ILDR2: variants seen among roughly 807,000 people sequenced by gnomAD.
ILDR2 encodes immunoglobulin-like domain-containing receptor 2.
ILDR2 carries 25 observed loss-of-function variants against 66.8 expected under a neutral mutation model. The observed-to-expected ratio is 0.37, with a 90% confidence interval of 0.27 to 0.52. ILDR2 has a LOEUF of 0.52. ILDR2 is among the 20% of genes least tolerant of loss of function. ILDR2 has a pLI of 0.88. For missense variants in ILDR2, 827 were observed against 876.8 expected, an observed-to-expected ratio of 0.94 and a Z score of 0.72; for synonymous variants, 367 against 357.2, an observed-to-expected ratio of 1.03 and a Z score of -0.31.
In ILDR2 at chr1:166,909,781, T is replaced by TATATATAAATA. The variant is rs1557921377; in HGVS notation, c.*9573_*9574insTATTTATATAT. ...TATAAATATATATAAATATATATAT[T>TATATATAAATA]TATATATATATATATATATATATAT... On this transcript the variant is annotated 3_prime_UTR_variant, in exon 10 of 10. Transcript: ENST00000271417. 1 of 64,246 alleles carries TATATATAAATA rather than the reference T, an allele frequency of 1.6e-5. No individual in the cohort carries two copies. Among genetic ancestry groups the TATATATAAATA allele is most frequent in the African/African-American group, 6.9e-5 (1 of 14,428 alleles). 4.0% of individuals were successfully genotyped at this position (64,246 alleles called of 1,614,324 possible). A position where few individuals can be genotyped will look rare whatever the true frequency, so the allele number is the denominator to read the frequency against.
At chr1:166,958,560 G>C (rs1200407360) in intron 1 of ILDR2, among the ~76,000 whole-genome samples, 1 of 152,094 alleles carries the variant, frequency 6.6e-6, no homozygotes, top group Non-Finnish European at 1.5e-5. Flanking sequence ...TAAACCTGTG[G>C]AACTGTGAGT....
intron 2 of ILDR2, among the ~76,000 whole-genome samples, chr1:166,901,750 C>T (rs540767969): frequency 6.6e-6 from 1 of 152,342 alleles, no homozygotes; most frequent in South Asian, 2.1e-4. Flanking sequence ...CTAGTTCCCC[C>T]ACAAGGCTGC....
rs117039452 is a variant in ILDR2 at position 166,900,937 on chromosome 1, G to A, written n.172-4836C>T. On this transcript the variant is annotated intron_variant and non_coding_transcript_variant, in intron 2 of 2. Coordinates refer to the ILDR2 transcript ENST00000414590. Reference sequence around the variant, plus strand: ...TTGGATTTTCCCACCTTCTCCATTCGACTTTTGTAACAATTTACTCTGATG... The same window carrying A: ...TTGGATTTTCCCACCTTCTCCATTCAACTTTTGTAACAATTTACTCTGATG... 3.2e-3 allele frequency among the ~76,000 whole-genome samples: 489 copies of A among 152,226 alleles called. 21 individuals are homozygous for A. The East Asian group carries it at 0.081, about 25-fold the overall frequency.
At chr1:166,899,869 A>G (rs1297422695) in intron 2 of ILDR2, among the ~76,000 whole-genome samples, 1 of 152,224 alleles carries the variant, frequency 6.6e-6, no homozygotes, top group Non-Finnish European at 1.5e-5. Context: ...GATCTGTAAG[A>G]GTTCCAAAGA....
intron 4 of ILDR2, among the ~76,000 whole-genome samples, chr1:166,938,668 T>A (rs1661128058): frequency 6.6e-6 from 1 of 152,220 alleles, no homozygotes; most frequent in South Asian, 2.1e-4. Context: ...AAAATTTGGA[T>A]TAAGCTAAAA....
chr1:166,975,384 C>A lies in ILDR2; in HGVS notation c.-116G>T. ...CGGCGGAGCGGCGGGCACCGGGCGT[C>A]CCTGGGCGCAGCGCCCGCCGGGCCG... On this transcript the variant is annotated 5_prime_UTR_variant, in exon 1 of 10. Coordinates refer to ENST00000271417, the MANE Select transcript of ILDR2 (RefSeq NM_199351.3). 1 of 579,246 alleles carries A rather than the reference C, an allele frequency of 1.7e-6. No individual in the cohort carries two copies. The highest frequency in any genetic ancestry group is 2.3e-6 in the Non-Finnish European group (1 of 433,086). The allele number at this position is 579,246 out of a possible 1,614,324, so 35.9% of individuals were successfully genotyped here. A position where few individuals can be genotyped will look rare whatever the true frequency, so the allele number is the denominator to read the frequency against.
In ILDR2 at chr1:166,908,695, C is replaced by G. The variant is rs373545670; in HGVS notation, c.*10660G>C. The G allele has an allele frequency of 1.3e-5, 2 of 152,124 alleles. No individual in the cohort carries two copies. The highest frequency in any genetic ancestry group is 4.8e-5 in the African/African-American group (2 of 41,378). The allele number at this position is 152,124 out of a possible 1,614,324, so 9.4% of individuals were successfully genotyped here. A position where few individuals can be genotyped will look rare whatever the true frequency, so the allele number is the denominator to read the frequency against. ...GTACCAGAAGAATCCAGGGAGGAGA[C>G]GAAAGGTCCTAATGAAGGCAGTGAC... On this transcript the variant is annotated 3_prime_UTR_variant, in exon 10 of 10. Coordinates refer to ENST00000271417, the MANE Select transcript of ILDR2 (RefSeq NM_199351.3).
At chr1:166,904,123 A>C (rs182776070), downstream of ILDR2, among the ~76,000 whole-genome samples, 12 of 152,346 alleles carry the variant, frequency 7.9e-5, no homozygotes, top group South Asian at 2.1e-4. Flanking sequence ...CATTGTATAG[A>C]CATAATTAGT....
chr1:166,958,615 T>C (rs949722439), intron 1 of ILDR2, among the ~76,000 whole-genome samples: 2 of 152,190 alleles, frequency 1.3e-5, no homozygotes, highest in Non-Finnish European at 2.9e-5. Context: ...CTCAGACAGT[T>C]CTTTATAGCA....
At position 166,975,231 on chromosome 1, in the gene ILDR2, C is replaced by T; in HGVS notation, c.38G>A (p.Trp13Ter). 1 of 1,612,844 alleles carries T rather than the reference C, an allele frequency of 6.2e-7. No homozygotes were observed. The highest frequency in any genetic ancestry group is 8.5e-7 in the Non-Finnish European group (1 of 1,178,934). ...TTGAAAAGGACTCTTACCTGTTAGC[C>T]AGAAGAGAGAAATCCACCTCAGCAA... ...RVLLRWISLF[W>*]LTAMVEGLQV... The change falls in exon 1 of 10, where the codon TGG (tryptophan) becomes TAG (stop). Residue 13 changes from tryptophan to a stop codon, truncating the protein, a stop_gained. Transcript: ENST00000271417. LOFTEE classifies it high-confidence loss of function.
rs1481280855 is a variant in ILDR2 at position 166,919,340 on chromosome 1, G to T, written c.*15C>A. 3.7e-6 allele frequency: 6 copies of T among 1,611,174 alleles called. No individual in the cohort carries two copies. Among genetic ancestry groups the T allele is most frequent in the Non-Finnish European group, 5.1e-6 (6 of 1,177,650 alleles). On this transcript the variant is annotated 3_prime_UTR_variant, in exon 10 of 10. Coordinates refer to ENST00000271417, the MANE Select transcript of ILDR2 (RefSeq NM_199351.3). Reference sequence around the variant, plus strand: ...CATGTCTGATTTCTCATTATCCAGAGAAATGTTGACAACATCAGACCACAA... The same window carrying T: ...CATGTCTGATTTCTCATTATCCAGATAAATGTTGACAACATCAGACCACAA...
At position 166,958,876 on chromosome 1, in the gene ILDR2, T is replaced by G. The variant is rs536413834; in HGVS notation, c.47-775A>C. Reference sequence around the variant, plus strand: ...GTTCAGATGATCTTTCTAAACTGATTGTTATGGCTCTCTTTCTTAAGACCC... The same window carrying G: ...GTTCAGATGATCTTTCTAAACTGATGGTTATGGCTCTCTTTCTTAAGACCC... On this transcript the variant is annotated intron_variant, in intron 1 of 9. Transcript: ENST00000271417. Among the ~76,000 whole-genome samples, 16 of 152,314 alleles carry G rather than the reference T, an allele frequency of 1.1e-4. No homozygotes were observed. In the South Asian group the frequency reaches 3.3e-3, roughly 32 times the overall value.
chr1:166,931,288 A>G (rs1331149369), intron 6 of ILDR2, among the ~76,000 whole-genome samples: 1 of 152,208 alleles, frequency 6.6e-6, no homozygotes, highest in African/African-American at 2.4e-5. Flanking sequence ...CGAGGCAGAT[A>G]CTCATGGATA....
At chr1:166,928,950 C>T (rs1431710218) in intron 6 of ILDR2, among the ~76,000 whole-genome samples, 1 of 152,212 alleles carries the variant, frequency 6.6e-6, no homozygotes, top group Non-Finnish European at 1.5e-5. Flanking sequence ...TCAAGCTAAA[C>T]ATTCTTCCAT....
chr1:166,929,674 G>A (rs1660516847), intron 6 of ILDR2, among the ~76,000 whole-genome samples: 1 of 152,178 alleles, frequency 6.6e-6, no homozygotes, highest in African/African-American at 2.4e-5. Flanking sequence ...CCAGCACCTA[G>A]CATAGAGCCT....
At chr1:166,926,913 TA>T (rs2101874182) in intron 7 of ILDR2, among the ~76,000 whole-genome samples, 153 bp downstream of exon 7, 1 of 152,190 alleles carries the variant, frequency 6.6e-6, no homozygotes, top group South Asian at 2.1e-4. Context: ...CCCCTCTGTG[TA>T]CTGAGAGCTA....
chr1:166,928,004 T>G (rs1178951835), intron 6 of ILDR2, among the ~76,000 whole-genome samples: 1 of 152,192 alleles, frequency 6.6e-6, no homozygotes, highest in East Asian at 1.9e-4. Flanking sequence ...CACTTAAGTA[T>G]CAGTCTAGCC....
chr1:166,967,613 C>T (rs1051425720), intron 1 of ILDR2, among the ~76,000 whole-genome samples: 5 of 152,036 alleles, frequency 3.3e-5, no homozygotes, highest in Admixed American at 2.0e-4. Context: ...AAAAATTAGC[C>T]GAGCATGGTG....
chr1:166,914,374 G>A lies in ILDR2; in HGVS notation c.*4981C>T, dbSNP rs1659564748. ...CAGTCCCATGAGTATTTAAGGAATT[G>A]GAAAGGACACCAGACAAGACAGTCA... On this transcript the variant is annotated 3_prime_UTR_variant, in exon 10 of 10. Coordinates refer to ENST00000271417, the MANE Select transcript of ILDR2 (RefSeq NM_199351.3). 1 of 152,094 alleles carries A rather than the reference G, an allele frequency of 6.6e-6. No homozygotes were observed. The highest frequency in any genetic ancestry group is 2.4e-5 in the African/African-American group (1 of 41,382). 9.4% of individuals were successfully genotyped at this position (152,094 alleles called of 1,614,324 possible).
Sources: allele counts gnomAD v4.1 joint callset (sites outside exome capture counted in the v4.1 genomes callset), GRCh38; gene constraint gnomAD v4.1.1; transcripts MANE v1.5; gene names NCBI Gene and HGNC (gene_info 2026-07-23, HGNC 2026-07-21).